LRRC8D: variants seen among roughly 807,000 people sequenced by gnomAD.
LRRC8D encodes leucine rich repeat containing 8 VRAC subunit D.
LRRC8D carries 20 observed loss-of-function variants against 55.8 expected under a neutral mutation model. That is an observed-to-expected ratio of 0.36 (90% confidence interval 0.25 to 0.52). The LOEUF (loss-of-function observed/expected upper bound fraction) is 0.52, where lower values mean the gene tolerates loss of function less well. LRRC8D is among the 20% of genes least tolerant of loss of function. The pLI is 0.93. For missense variants in LRRC8D, 651 were observed against 1,030.8 expected (o/e 0.63, Z 5.05); for synonymous variants, 352 against 377.0 (o/e 0.93, Z 0.77).
chr1:89,897,479 T>TA (rs982583909), intron 2 of LRRC8D, among the ~76,000 whole-genome samples: 3 of 152,222 alleles, frequency 2.0e-5, no homozygotes, highest in African/African-American at 7.2e-5. Context: ...TCAAAATACT[T>TA]ACATAGATTT....
At chr1:89,910,559 A>G (rs1045756135) in intron 2 of LRRC8D, among the ~76,000 whole-genome samples, 3 of 152,090 alleles carry the variant, frequency 2.0e-5, no homozygotes, top group African/African-American at 7.2e-5. Context: ...TAATTTGTAG[A>G]AGCAAATTTA....
Position 89,822,520 on chromosome 1 carries a change from C to T in LRRC8D, c.-148+1229C>T, listed in dbSNP as rs949074722. Reference sequence around the variant, plus strand: ...GCTGATTTCTGGAAACTTTCCTTGGCAGCTTTGATAGTAAAATTCCGTACA... The same window carrying T: ...GCTGATTTCTGGAAACTTTCCTTGGTAGCTTTGATAGTAAAATTCCGTACA... On this transcript the variant is annotated intron_variant, in intron 1 of 2. Coordinates refer to ENST00000337338, the MANE Select transcript of LRRC8D (RefSeq NM_001134479.2). Among the ~76,000 whole-genome samples the T allele has an allele frequency of 5.3e-5, 8 of 152,330 alleles. 1 individual carries two copies. Among genetic ancestry groups the T allele is most frequent in the African/African-American group, 1.9e-4 (8 of 41,570 alleles).
At chr1:89,901,935 A>G (rs1380836558) in intron 2 of LRRC8D, among the ~76,000 whole-genome samples, 1 of 152,224 alleles carries the variant, frequency 6.6e-6, no homozygotes, top group Non-Finnish European at 1.5e-5. Flanking sequence ...TCACAGAGGT[A>G]GGGAGATGCT....
At chr1:89,864,637 G>A (rs113862997) in intron 2 of LRRC8D, among the ~76,000 whole-genome samples, 1 of 151,970 alleles carries the variant, frequency 6.6e-6, no homozygotes, top group Non-Finnish European at 1.5e-5. Flanking sequence ...CTATACATTG[G>A]AACCTTATGT....
rs552323804 is a variant in LRRC8D at position 89,869,287 on chromosome 1, G to A, written c.-3+25505G>A. Among the ~76,000 whole-genome samples the A allele has an allele frequency of 2.6e-5, 4 of 152,260 alleles. No individual in the cohort carries two copies. In the East Asian group the frequency reaches 5.8e-4, roughly 22 times the overall value. On this transcript the variant is annotated intron_variant, in intron 2 of 2. Coordinates refer to ENST00000337338, the MANE Select transcript of LRRC8D (RefSeq NM_001134479.2). The stretch of plus-strand genomic sequence containing the variant: ...TAGAATAACCAGTTTAGAGAAGAAC[G>A]TAAATGACCTGATGGAGCTGAAAAA...
At chr1:89,891,918 C>T (rs1227972032) in intron 2 of LRRC8D, among the ~76,000 whole-genome samples, 1 of 152,174 alleles carries the variant, frequency 6.6e-6, no homozygotes, top group Non-Finnish European at 1.5e-5. Flanking sequence ...TCTGTATTAA[C>T]AACTCTGGGT....
intron 1 of LRRC8D, among the ~76,000 whole-genome samples, chr1:89,827,624 C>A (rs1410841167): frequency 6.6e-6 from 1 of 152,130 alleles, no homozygotes; most frequent in Non-Finnish European, 1.5e-5. Context: ...GCATGGAGGC[C>A]TATGAAACCA....
At chr1:89,861,446 C>A (rs1366368360) in intron 2 of LRRC8D, among the ~76,000 whole-genome samples, 1 of 151,790 alleles carries the variant, frequency 6.6e-6, no homozygotes, top group East Asian at 1.9e-4. Context: ...TCTTACTCTC[C>A]AGTTCATTCA....
At chr1:89,883,916 CCAAA>C (rs1025589098) in intron 2 of LRRC8D, among the ~76,000 whole-genome samples, 3 of 152,110 alleles carry the variant, frequency 2.0e-5, no homozygotes, top group Admixed American at 6.5e-5. Flanking sequence ...TTCTGAAAAC[CCAAA>C]CAAACACCCA....
At chr1:89,856,712 A>G (rs1661562818) in intron 2 of LRRC8D, among the ~76,000 whole-genome samples, 1 of 152,150 alleles carries the variant, frequency 6.6e-6, no homozygotes, top group Non-Finnish European at 1.5e-5. Context: ...TAGACGGTAT[A>G]TATTTGGGTC....
At chr1:89,821,578 G>C (rs947053074) in intron 1 of LRRC8D, among the ~76,000 whole-genome samples, 4 of 152,150 alleles carry the variant, frequency 2.6e-5, no homozygotes, top group African/African-American at 7.2e-5. Flanking sequence ...AGGGGAGTGC[G>C]GCTTCCTGGC....
intron 2 of LRRC8D, among the ~76,000 whole-genome samples, chr1:89,864,875 C>T (rs1661804017): frequency 6.6e-6 from 1 of 152,140 alleles, no homozygotes; most frequent in Non-Finnish European, 1.5e-5. Flanking sequence ...TGACAATAAG[C>T]TTTGACTACA....
intron 2 of LRRC8D, among the ~76,000 whole-genome samples, chr1:89,920,463 A>G (rs528032786): frequency 6.6e-6 from 1 of 152,062 alleles, no homozygotes; most frequent in South Asian, 2.1e-4. Context: ...AAATCTTGAG[A>G]TTTTTTATGT....
intron 1 of LRRC8D, among the ~76,000 whole-genome samples, chr1:89,839,562 G>A (rs1276094893): frequency 6.6e-6 from 1 of 152,140 alleles, no homozygotes; most frequent in Non-Finnish European, 1.5e-5. Flanking sequence ...GTTCTTTAAA[G>A]ATGGCTAATA....
chr1:89,935,114 A>T lies in LRRC8D; in HGVS notation c.2046A>T (p.Leu682Phe). The T allele has an allele frequency of 6.2e-7, 1 of 1,614,234 alleles. No individual in the cohort carries two copies. The highest frequency in any genetic ancestry group is 8.5e-7 in the Non-Finnish European group (1 of 1,180,038). Residue 682 changes from leucine to phenylalanine, a missense_variant, in exon 3 of 3, where the codon TTA becomes TTT. This residue lies in a region of LRRC8D where 338 missense variants were observed against 479.4 expected (regional missense o/e 0.71). Transcript: ENST00000337338. ...TIEEIISFQH[L>F]KRLTCLKLWH... ...AGGAAATCATCAGTTTCCAGCATTT[A>T]AAACGACTGACTTGTTTAAAATTAT...
At chr1:89,916,560 G>A (rs1029847975) in intron 2 of LRRC8D, among the ~76,000 whole-genome samples, 4 of 152,104 alleles carry the variant, frequency 2.6e-5, no homozygotes, top group Non-Finnish European at 5.9e-5. Context: ...TATTGCCAAA[G>A]GTCATTAATG....
In LRRC8D at chr1:89,876,046, C is replaced by T. The variant is rs114939475; in HGVS notation, c.-3+32264C>T. Among the ~76,000 whole-genome samples, 950 of 152,234 alleles carry T rather than the reference C, an allele frequency of 6.2e-3. 8 individuals are homozygous for T. The highest frequency in any genetic ancestry group is 0.021 in the African/African-American group (881 of 41,518). Reference sequence around the variant, plus strand: ...CAGCCCCTGAGGTCCTTTTGAAAAGCTCCTAATACCTCTACCTCCCAGGCC... The same window carrying T: ...CAGCCCCTGAGGTCCTTTTGAAAAGTTCCTAATACCTCTACCTCCCAGGCC... On this transcript the variant is annotated intron_variant, in intron 2 of 2. Transcript: ENST00000337338.
chr1:89,904,839 A>T (rs1662949972), intron 2 of LRRC8D, among the ~76,000 whole-genome samples: 1 of 152,096 alleles, frequency 6.6e-6, no homozygotes, highest in Admixed American at 6.6e-5. Flanking sequence ...TGGTAATAAC[A>T]TTTACTTTAC....
chr1:89,859,762 A>G (rs1353713703), intron 2 of LRRC8D, among the ~76,000 whole-genome samples: 1 of 152,168 alleles, frequency 6.6e-6, no homozygotes, highest in Non-Finnish European at 1.5e-5. Context: ...CTCTTTGAAA[A>G]AAGTGAGAGC....
Sources: gnomAD v4.1 joint callset for allele counts (sites outside exome capture counted in the v4.1 genomes callset) on GRCh38, gnomAD v4.1.1 for gene constraint, gnomAD v4.1.1 regional missense constraint, MANE v1.5 for transcripts, NCBI Gene and HGNC (gene_info 2026-07-23, HGNC 2026-07-21) for gene names.